Variants in SHANK2 observed in about 807,000 individuals in gnomAD.
SHANK2 encodes the protein SH3 and multiple ankyrin repeat domains 2.
A neutral mutation model predicts 133.7 loss-of-function variants in SHANK2; 43 were observed. The ratio of observed to expected loss-of-function variants is 0.32; its 90% CI spans 0.25 to 0.41. The LOEUF (loss-of-function observed/expected upper bound fraction) is 0.41, where lower values mean the gene tolerates loss of function less well. SHANK2 is among the 10% of genes least tolerant of loss of function. The probability of loss-of-function intolerance (pLI) is 1.00; values close to 1 mark genes in which losing one functional copy is unlikely to be tolerated. For missense variants in SHANK2, 1,994 were observed against 2,235.8 expected (o/e 0.89, Z 2.18); for synonymous variants, 1,017 against 952.8 (o/e 1.07, Z -1.24).
At chr11:70,624,966 A>G (rs1185513226) in intron 17 of SHANK2, among the ~76,000 whole-genome samples, 1 of 152,176 alleles carries the variant, frequency 6.6e-6, no homozygotes, top group Non-Finnish European at 1.5e-5. Flanking sequence ...AACAGCCCCC[A>G]CAAGACCACC....
At chr11:70,738,021 G>A (rs1035072324) in intron 14 of SHANK2, among the ~76,000 whole-genome samples, 3 of 152,248 alleles carry the variant, frequency 2.0e-5, no homozygotes, top group Non-Finnish European at 4.4e-5. Context: ...TGCCGGGCTC[G>A]GCAACTACTG....
At chr11:71,183,068 G>A (rs782309499) in intron 2 of SHANK2, among the ~76,000 whole-genome samples, 2 of 152,322 alleles carry the variant, frequency 1.3e-5, no homozygotes, top group East Asian at 1.9e-4. Flanking sequence ...AGCCAGCCAG[G>A]AGGGGAAATC....
intron 1 of SHANK2, among the ~76,000 whole-genome samples, chr11:71,245,753 GGTCA>G (rs1161560424): frequency 2.0e-5 from 3 of 152,228 alleles, no homozygotes; most frequent in Non-Finnish European, 2.9e-5. Flanking sequence ...GACGCCATCG[GGTCA>G]GTATCTTCCC....
At chr11:70,783,721 A>G (rs1392312564) in intron 14 of SHANK2, among the ~76,000 whole-genome samples, 1 of 152,160 alleles carries the variant, frequency 6.6e-6, no homozygotes, top group African/African-American at 2.4e-5. Flanking sequence ...TGCTGGGTCC[A>G]CAGGGTTTGT....
At chr11:70,886,966 A>T (rs529923447) in intron 11 of SHANK2, among the ~76,000 whole-genome samples, 1 of 152,206 alleles carries the variant, frequency 6.6e-6, no homozygotes, top group South Asian at 2.1e-4. Context: ...ATGAAAACAA[A>T]CCTTGTTCGG....
At chr11:70,898,282 GCACACACACA>G (rs71467421) in intron 10 of SHANK2, among the ~76,000 whole-genome samples, 40 of 135,472 alleles carry the variant, frequency 3.0e-4, no homozygotes, top group Admixed American at 7.7e-4. Flanking sequence ...ATACACACAC[GCACACACACA>G]CACACACACA....
chr11:70,888,084 G>A (rs1555073887), intron 11 of SHANK2, among the ~76,000 whole-genome samples: 1 of 152,122 alleles, frequency 6.6e-6, no homozygotes, highest in African/African-American at 2.4e-5. Context: ...CAAATGGCAG[G>A]TGAAGAATCT....
chr11:70,577,684 T>C (rs537767025), intron 17 of SHANK2, among the ~76,000 whole-genome samples: 1 of 141,802 alleles, frequency 7.1e-6, no homozygotes, highest in Admixed American at 6.9e-5. Context: ...ATTCAGGCAC[T>C]GGACTCGTGG....
chr11:71,210,246 A>ATT (rs1157013231), intron 2 of SHANK2, among the ~76,000 whole-genome samples: 10 of 104,436 alleles, frequency 9.6e-5, no homozygotes, highest in African/African-American at 4.5e-4. Flanking sequence ...ATATATATAT[A>ATT]TATATATTTA....
intron 12 of SHANK2, among the ~76,000 whole-genome samples, chr11:70,811,807 A>G (rs1555053273): frequency 1.3e-5 from 2 of 150,806 alleles, no homozygotes; most frequent in Non-Finnish European, 1.5e-5. Context: ...TCCATCATCC[A>G]TCTACCCATC....
At chr11:70,951,336 A>ACTG (rs1950836683) in intron 10 of SHANK2, among the ~76,000 whole-genome samples, 5 of 123,872 alleles carry the variant, frequency 4.0e-5, no homozygotes, top group African/African-American at 1.5e-4. Flanking sequence ...CTGCTGTGCC[A>ACTG]TGACGTCATA....
chr11:70,603,632 G>C (rs188822334), intron 17 of SHANK2: 1 of 152,580 alleles, frequency 6.6e-6, no homozygotes, highest in African/African-American at 2.4e-5. Flanking sequence ...ACTGAGCTGG[G>C]ACCTCGGAGA....
At chr11:71,191,498 A>G (rs1555115429) in intron 2 of SHANK2, among the ~76,000 whole-genome samples, 1 of 151,894 alleles carries the variant, frequency 6.6e-6, no homozygotes, top group African/African-American at 2.4e-5. Flanking sequence ...CATCCCTCAT[A>G]GGGTCATCCC....
At chr11:70,845,518 G>A (rs1053173526) in intron 11 of SHANK2, among the ~76,000 whole-genome samples, 8 of 152,034 alleles carry the variant, frequency 5.3e-5, no homozygotes, top group African/African-American at 1.9e-4. Context: ...GCCAGCACGG[G>A]GCCATCTTAG....
At chr11:70,489,165 G>T in intron 24 of SHANK2, 163 bp downstream of exon 24, 1 of 698,110 alleles carries the variant, frequency 1.4e-6, no homozygotes. Context: ...GGACATTTTG[G>T]CATTGCAAAG....
At chr11:70,824,803 G>T (rs1555056894) in intron 11 of SHANK2, among the ~76,000 whole-genome samples, 3 of 152,218 alleles carry the variant, frequency 2.0e-5, no homozygotes, top group African/African-American at 7.2e-5. Flanking sequence ...CCTGTCATTG[G>T]AGGGGGCTGG....
At chr11:70,598,394 G>A (rs1554990002) in intron 17 of SHANK2, among the ~76,000 whole-genome samples, 1 of 152,176 alleles carries the variant, frequency 6.6e-6, no homozygotes, top group Non-Finnish European at 1.5e-5. Context: ...ATAAAAACTC[G>A]AAGAGTTCTG....
At chr11:70,773,372 C>A (rs182623072) in intron 14 of SHANK2, among the ~76,000 whole-genome samples, 1 of 152,168 alleles carries the variant, frequency 6.6e-6, no homozygotes, top group Non-Finnish European at 1.5e-5. Flanking sequence ...GGGGAACAGG[C>A]GACAAATGTC....
intron 12 of SHANK2, among the ~76,000 whole-genome samples, chr11:70,818,221 C>T (rs1302843010): frequency 8.5e-5 from 13 of 152,160 alleles, no homozygotes; most frequent in Admixed American, 1.3e-4. Context: ...AACATGCACG[C>T]GCATGTCTAC....
Sources: gnomAD v4.1 joint callset for allele counts (sites outside exome capture counted in the v4.1 genomes callset) on GRCh38, gnomAD v4.1.1 for gene constraint, MANE v1.5 for transcripts, NCBI Gene and HGNC (gene_info 2026-07-23, HGNC 2026-07-21) for gene names.